The following SNX8 variants were observed in gnomAD, a reference collection of about 807,000 sequenced individuals.
SNX8 encodes sorting nexin 8.
A neutral mutation model predicts 51.6 loss-of-function variants in SNX8; 25 were observed. The observed-to-expected ratio is 0.48, with a 90% CI of 0.35 to 0.68. The LOEUF (loss-of-function observed/expected upper bound fraction) is 0.68, where lower values mean the gene tolerates loss of function less well. SNX8 is among the 30% of genes least tolerant of loss of function. SNX8 has a pLI of 0.00. For synonymous variants in SNX8, 324 were observed against 277.0 expected, an observed-to-expected ratio of 1.17 and a Z score of -1.68; for missense variants, 695 against 624.0, an observed-to-expected ratio of 1.11 and a Z score of -1.21.
intron 1 of SNX8, among the ~76,000 whole-genome samples, chr7:2,348,020 G>A (rs1008620181): frequency 2.0e-5 from 3 of 152,102 alleles, no homozygotes; most frequent in Non-Finnish European, 2.9e-5. Context: ...ACCGGTTTAT[G>A]TAGAACATCC....
intron 1 of SNX8, among the ~76,000 whole-genome samples, chr7:2,328,805 G>A (rs1232749166): frequency 1.2e-4 from 17 of 147,698 alleles, no homozygotes; most frequent in African/African-American, 4.3e-4. Context: ...CCAAAAACTC[G>A]CCAGGCGTGG....
chr7:2,281,832 G>A (rs992879193), intron 1 of SNX8, among the ~76,000 whole-genome samples: 5 of 152,118 alleles, frequency 3.3e-5, no homozygotes, highest in Admixed American at 6.6e-5. Flanking sequence ...AAATCCGTGC[G>A]GTGGGTGTAA....
intron 1 of SNX8, among the ~76,000 whole-genome samples, chr7:2,329,865 T>C (rs1778697758): frequency 6.6e-6 from 1 of 151,904 alleles, no homozygotes; most frequent in South Asian, 2.1e-4. Context: ...TCTCGCTCTG[T>C]TCCCCAGGCT....
intron 1 of SNX8, among the ~76,000 whole-genome samples, chr7:2,309,069 G>A (rs987200590): frequency 3.9e-5 from 6 of 152,014 alleles, no homozygotes; most frequent in Non-Finnish European, 8.8e-5. Flanking sequence ...GATTACAGGC[G>A]TGAACCACCA....
chr7:2,269,950 G>T (rs535683652), intron 4 of SNX8, among the ~76,000 whole-genome samples: 3 of 152,086 alleles, frequency 2.0e-5, no homozygotes, highest in Non-Finnish European at 4.4e-5. Flanking sequence ...GACCAGGGGC[G>T]GCTCTGCAGA....
intron 1 of SNX8, among the ~76,000 whole-genome samples, chr7:2,334,912 T>C (rs1490061870): frequency 2.1e-5 from 3 of 142,156 alleles, no homozygotes; most frequent in Non-Finnish European, 3.0e-5. Context: ...TGTTCAAGTA[T>C]TTACACAGCA....
In SNX8 at chr7:2,346,619, A is replaced by C. The variant is rs558129999; in HGVS notation, c.-66+7603T>G. Among the ~76,000 whole-genome samples the C allele has an allele frequency of 2.7e-5, 4 of 146,672 alleles. No homozygotes were observed. The Admixed American group carries it at 2.8e-4, about 10-fold the overall frequency. On this transcript the variant is annotated intron_variant, in intron 1 of 5. Coordinates refer to the SNX8 transcript ENST00000435336. ...AAATTAGCCGGGCGTGGTGGTGGGCACCTGTAGTCCCAGCTACTTGGGAGG... is the reference window on the plus strand; with the variant it reads ...AAATTAGCCGGGCGTGGTGGTGGGCCCCTGTAGTCCCAGCTACTTGGGAGG...
At chr7:2,317,153 G>A (rs1033370555), upstream of SNX8, among the ~76,000 whole-genome samples, 4 of 150,698 alleles carry the variant, frequency 2.7e-5, 1 homozygote, top group Admixed American at 2.7e-4. Flanking sequence ...AGCTGCAGAT[G>A]CTGTGGTCAT....
chr7:2,290,054 G>C (rs965628573), intron 1 of SNX8, among the ~76,000 whole-genome samples: 1 of 152,072 alleles, frequency 6.6e-6, no homozygotes, highest in Non-Finnish European at 1.5e-5. Context: ...TTAGCCGGGC[G>C]TGGTGGTGCG....
chr7:2,298,686 T>G (rs1303468033), intron 1 of SNX8, among the ~76,000 whole-genome samples: 1 of 149,756 alleles, frequency 6.7e-6, no homozygotes, highest in Non-Finnish European at 1.5e-5. Flanking sequence ...TTGGTTTTGT[T>G]TTTGTTTTTT....
At chr7:2,307,506 C>T (rs957278056) in intron 1 of SNX8, among the ~76,000 whole-genome samples, 1 of 151,810 alleles carries the variant, frequency 6.6e-6, no homozygotes, top group Non-Finnish European at 1.5e-5. Context: ...GTGGTGGACA[C>T]GTGTAATCCC....
In SNX8 at chr7:2,320,646, C is replaced by A. The variant is rs1357036190; in HGVS notation, c.-66+33576G>T. Among the ~76,000 whole-genome samples the A allele has an allele frequency of 3.3e-5, 5 of 152,150 alleles. No individual in the cohort carries two copies. The East Asian group carries it at 9.6e-4, about 29-fold the overall frequency. On this transcript the variant is annotated intron_variant, in intron 1 of 5. Coordinates refer to the SNX8 transcript ENST00000435336. ...GGCTGAGGTAGGAGGATCGCTTGAG[C>A]CTGGGAGGTCGAGGCTGCAGTGAGC...
At chr7:2,346,856 G>C (rs1324200745) in intron 1 of SNX8, among the ~76,000 whole-genome samples, 3 of 147,466 alleles carry the variant, frequency 2.0e-5, no homozygotes, top group African/African-American at 7.5e-5. Context: ...GGAGGTGGAG[G>C]CTGCAGTGAG....
intron 1 of SNX8, among the ~76,000 whole-genome samples, chr7:2,302,338 G>C (rs1273512513): frequency 5.9e-5 from 9 of 152,258 alleles, no homozygotes; most frequent in Non-Finnish European, 1.3e-4. Flanking sequence ...TCCTAACCGT[G>C]AGTGATCCAC....
intron 10 of SNX8, among the ~76,000 whole-genome samples, chr7:2,256,026 G>A (rs1795169381): frequency 6.6e-6 from 1 of 152,198 alleles, no homozygotes; most frequent in South Asian, 2.1e-4. Context: ...TGGTAGGACT[G>A]GGGTTATGGC....
At chr7:2,336,778 G>C (rs1041521566) in intron 1 of SNX8, among the ~76,000 whole-genome samples, 1 of 151,922 alleles carries the variant, frequency 6.6e-6, no homozygotes, top group Non-Finnish European at 1.5e-5. Context: ...AGACCAAGGA[G>C]GGCAGATCAT....
At chr7:2,270,730 G>C (rs1795624387) in intron 4 of SNX8, among the ~76,000 whole-genome samples, 1 of 152,160 alleles carries the variant, frequency 6.6e-6, no homozygotes, top group South Asian at 2.1e-4. Context: ...GACATCTCAG[G>C]CACAGGGGGA....
At chr7:2,267,768 C>T (rs1468460383) in intron 5 of SNX8, among the ~76,000 whole-genome samples, 2 of 137,086 alleles carry the variant, frequency 1.5e-5, no homozygotes, top group Non-Finnish European at 3.2e-5. Context: ...TCTGCCTGGC[C>T]GCCCATCGTC....
chr7:2,306,788 T>A (rs997999770), intron 1 of SNX8, among the ~76,000 whole-genome samples: 1 of 152,226 alleles, frequency 6.6e-6, no homozygotes, highest in Non-Finnish European at 1.5e-5. Flanking sequence ...TATAACAAAA[T>A]TTTCTGAAAG....
Sources: gnomAD v4.1 joint callset for allele counts (sites outside exome capture counted in the v4.1 genomes callset) on GRCh38, gnomAD v4.1.1 for gene constraint, MANE v1.5 for transcripts, NCBI Gene and HGNC (gene_info 2026-07-23, HGNC 2026-07-21) for gene names.